The following EXOSC4 variants were observed in gnomAD, a reference collection of about 807,000 sequenced individuals.
EXOSC4 encodes exosome complex component RRP41.
A neutral mutation model predicts 20.0 loss-of-function variants in EXOSC4; 14 were observed. That is an observed-to-expected ratio of 0.70 (90% confidence interval 0.46 to 1.09). The LOEUF is 1.09. Ranked by LOEUF, EXOSC4 falls within the 50% of genes least tolerant of loss-of-function variation. EXOSC4 has a pLI of 0.00. For synonymous variants in EXOSC4, 148 were observed against 146.4 expected, an observed-to-expected ratio of 1.01 and a Z score of -0.08; for missense variants, 337 against 334.0, an observed-to-expected ratio of 1.01 and a Z score of -0.07.
At chr8:144,072,472 C>T in the EXOSC4 span, among the ~76,000 whole-genome samples, 2 of 152,148 alleles carry the variant, frequency 1.3e-5, no homozygotes, top group Non-Finnish European at 2.9e-5. Flanking sequence ...TGAGCCACCG[C>T]GCCCGACCTA....
In EXOSC4 at chr8:144,080,345, C is replaced by T. The variant is rs1835887308; in HGVS notation, c.482C>T (p.Ser161Leu). The T allele has an allele frequency of 1.9e-6, 3 of 1,613,420 alleles. No homozygotes were observed. Among genetic ancestry groups the T allele is most frequent in the Non-Finnish European group, 1.7e-6 (2 of 1,180,032 alleles). ...IPMRDFVCAC[S>L]AGFVDGTALA... ...ATGAGAGACTTTGTGTGTGCGTGCT[C>T]AGCTGGCTTCGTGGACGGCACAGCC... Residue 161 changes from serine to leucine, a missense_variant, in exon 3 of 3, where the codon TCA becomes TTA. Transcript: ENST00000316052. This position sits in a 1 kb window ranked among gnomAD's most constrained non-coding sequence, Gnocchi z 4.9.
chr8:144,077,069 C>CAAAA (rs34195797), upstream of EXOSC4, among the ~76,000 whole-genome samples: 2 of 98,068 alleles, frequency 2.0e-5, no homozygotes, highest in African/African-American at 3.4e-5. Flanking sequence ...ACTCCATCTC[C>CAAAA]AAAAAAAAAA....
the EXOSC4 span, among the ~76,000 whole-genome samples, chr8:144,073,605 C>T: frequency 1.3e-5 from 2 of 152,172 alleles, no homozygotes; most frequent in Non-Finnish European, 2.9e-5. Context: ...GTAATCCCAC[C>T]ACTTTGGGAG....
the EXOSC4 span, among the ~76,000 whole-genome samples, chr8:144,066,436 C>CTTTTTTTTTTTTTTTTTTTTTTTT: frequency 2.0e-5 from 2 of 98,076 alleles, no homozygotes; most frequent in African/African-American, 4.8e-5. Flanking sequence ...GAGTTTTTCT[C>CTTTTTTTTTTTTTTTTTTTTTTTT]TTTTTTTTTT....
the EXOSC4 span, among the ~76,000 whole-genome samples, chr8:144,069,775 A>G: frequency 6.6e-6 from 1 of 152,242 alleles, no homozygotes; most frequent in Non-Finnish European, 1.5e-5. Context: ...TCCATCAGCA[A>G]AGGATGGAGC....
At chr8:144,068,841 G>A in the EXOSC4 span, among the ~76,000 whole-genome samples, 1 of 152,166 alleles carries the variant, frequency 6.6e-6, no homozygotes, top group Admixed American at 6.5e-5. Context: ...CCGAGAAGAC[G>A]AGGCCTCCCG....
At chr8:144,068,383 T>C in the EXOSC4 span, among the ~76,000 whole-genome samples, 2 of 152,170 alleles carry the variant, frequency 1.3e-5, no homozygotes, top group Non-Finnish European at 2.9e-5. Flanking sequence ...TTTCCAAATG[T>C]ATAAACCTCG....
In EXOSC4 at chr8:144,078,758, G is replaced by C. The variant is rs779541092; in HGVS notation, c.30G>C (p.Gln10His). The change falls in exon 1 of 3, where the codon CAG becomes CAC. Residue 10 changes from glutamine (Q) to histidine (H), a missense_variant. Transcript: ENST00000316052. The surrounding 1 kb of genome is among the most constrained non-coding windows in gnomAD (Gnocchi z 4.7). MAGLELLSD[Q>H]GYRVDGRRAG... The stretch of plus-strand genomic sequence containing the variant: ...CGGGGCTGGAGCTCTTGTCGGACCA[G>C]GGCTACCGGGTGGACGGGCGGCGCG... The C allele has an allele frequency of 3.5e-4, 529 of 1,520,142 alleles. No homozygotes were observed. Among genetic ancestry groups the C allele is most frequent in the Non-Finnish European group, 4.4e-4 (497 of 1,135,212 alleles). The allele number at this position is 1,520,142 out of a possible 1,614,324, so 94.2% of individuals were successfully genotyped here. A position where few individuals can be genotyped will look rare whatever the true frequency, so the allele number is the denominator to read the frequency against.
the EXOSC4 span, among the ~76,000 whole-genome samples, chr8:144,067,578 C>A: frequency 6.6e-6 from 1 of 152,182 alleles, no homozygotes; most frequent in Admixed American, 6.5e-5. Flanking sequence ...AAGATGAACA[C>A]CTGACTCCTC....
the EXOSC4 span, among the ~76,000 whole-genome samples, chr8:144,073,059 G>A: frequency 6.6e-6 from 1 of 152,224 alleles, no homozygotes; most frequent in South Asian, 2.1e-4. Flanking sequence ...CCTACTGACT[G>A]CTGAATGTCC....
In EXOSC4 at chr8:144,078,962, G is replaced by A. The variant is rs537143989; in HGVS notation, c.171+63G>A. Reference sequence around the variant, plus strand: ...GGGAGCTGCGGGGCAGCCGGGCTGAGCGCTGGCTCGGGGACTTGAGGGGCA... The same window carrying A: ...GGGAGCTGCGGGGCAGCCGGGCTGAACGCTGGCTCGGGGACTTGAGGGGCA... On this transcript the variant is annotated intron_variant, in intron 1 of 2. Transcript: ENST00000316052. The surrounding 1 kb of genome is among the most constrained non-coding windows in gnomAD (Gnocchi z 4.7). 152 of 1,382,084 alleles carry A rather than the reference G, an allele frequency of 1.1e-4. No individual in the cohort carries two copies. In the East Asian group the frequency reaches 4.2e-3, roughly 38 times the overall value. 85.6% of individuals were successfully genotyped at this position (1,382,084 alleles called of 1,614,324 possible). A position where few individuals can be genotyped will look rare whatever the true frequency, so the allele number is the denominator to read the frequency against.
At chr8:144,077,222 G>C (rs1402559992), upstream of EXOSC4, among the ~76,000 whole-genome samples, 6 of 152,176 alleles carry the variant, frequency 3.9e-5, no homozygotes, top group African/African-American at 1.4e-4. Context: ...TCTAGCCTGG[G>C]TGCAGAGTAA....
the EXOSC4 span, among the ~76,000 whole-genome samples, chr8:144,065,943 G>A: frequency 6.7e-6 from 1 of 150,348 alleles, no homozygotes. Context: ...CAAGTAGCTG[G>A]GACCACAGAT....
the EXOSC4 span, among the ~76,000 whole-genome samples, chr8:144,069,689 G>A: frequency 3.9e-5 from 6 of 152,260 alleles, no homozygotes; most frequent in Non-Finnish European, 8.8e-5. Context: ...GGGCCTGAGT[G>A]TCTTTGGGGT....
At chr8:144,079,746 C>T (rs782726650) in intron 1 of EXOSC4, 197 bp from the exon 2 acceptor site, 5 of 711,278 alleles carry the variant, frequency 7.0e-6, no homozygotes, top group Non-Finnish European at 1.3e-5. Context: ...CAAGGATGGA[C>T]ACAAGGAAGC....
chr8:144,076,441 G>C (rs921948345), upstream of EXOSC4, among the ~76,000 whole-genome samples: 1 of 152,150 alleles, frequency 6.6e-6, no homozygotes, highest in Admixed American at 6.5e-5. Flanking sequence ...ATTTGTATAA[G>C]CTTTAGGCCT....
the EXOSC4 span, among the ~76,000 whole-genome samples, chr8:144,070,877 C>A: frequency 6.6e-6 from 1 of 151,826 alleles, no homozygotes; most frequent in Non-Finnish European, 1.5e-5. Context: ...CCTACAGGAG[C>A]CTCATTGGCT....
the EXOSC4 span, among the ~76,000 whole-genome samples, chr8:144,070,837 A>AG: frequency 6.6e-6 from 1 of 152,048 alleles, no homozygotes; most frequent in Non-Finnish European, 1.5e-5. Flanking sequence ...TTGAAAAAAA[A>AG]AAAATTTTTT....
In EXOSC4 at chr8:144,080,136, A is replaced by G. The variant is rs781888886; in HGVS notation, c.365A>G (p.Asp122Gly). The change falls in exon 2 of 3, where the codon GAT (aspartate) becomes GGT (glycine). Residue 122 changes from aspartate (D) to glycine (G), a missense_variant. Asp to Gly is a moderately conservative substitution (Grantham distance 94). Transcript: ENST00000316052. This position sits in a 1 kb window ranked among gnomAD's most constrained non-coding sequence, Gnocchi z 4.9. ...CAGCTGCACCCACGCTCCCAGATTG[A>G]TATCTATGTGCAGGTGAGCCAGCTG... Reference protein sequence around the residue: ...LTQLHPRSQIDIYVQVLQADG... With the variant: ...LTQLHPRSQIGIYVQVLQADG... 3.7e-6 allele frequency: 6 copies of G among 1,612,430 alleles called. No individual in the cohort carries two copies. The highest frequency in any genetic ancestry group is 1.3e-5 in the African/African-American group (1 of 75,004).
Sources: allele counts gnomAD v4.1 joint callset (sites outside exome capture counted in the v4.1 genomes callset), GRCh38; gene constraint gnomAD v4.1.1; non-coding constraint Gnocchi (gnomAD v3.1); transcripts MANE v1.5; gene names NCBI Gene and HGNC (gene_info 2026-07-23, HGNC 2026-07-21).